The following NYAP2 variants were observed in gnomAD, a reference collection of about 807,000 sequenced individuals.
NYAP2 encodes the protein neuronal tyrosine-phosphorylated phosphoinositide-3-kinase adaptor 2.
Under a neutral mutation model 50.4 loss-of-function variants are expected in NYAP2, and 23 were observed. That is an observed-to-expected ratio of 0.46 (90% CI 0.33 to 0.65). NYAP2 has a LOEUF of 0.65. NYAP2 is among the 30% of genes least tolerant of loss of function. The pLI is 0.02. For missense variants in NYAP2, 885 were observed against 861.0 expected (o/e 1.03, Z -0.35); for synonymous variants, 394 against 365.2 (o/e 1.08, Z -0.90).
intron 3 of NYAP2, among the ~76,000 whole-genome samples, chr2:225,437,155 A>G (rs551884641): frequency 6.6e-6 from 1 of 152,252 alleles, no homozygotes; most frequent in South Asian, 2.1e-4. Context: ...TCTAGTTTCT[A>G]AAACCAAGCA....
intron 3 of NYAP2, among the ~76,000 whole-genome samples, chr2:225,435,185 C>T (rs1360834836): frequency 6.6e-6 from 1 of 152,036 alleles, no homozygotes; most frequent in Non-Finnish European, 1.5e-5. Context: ...GCTATTTGCC[C>T]TCAAAGTTCT....
At chr2:225,446,903 G>C (rs1476126436) in intron 3 of NYAP2, among the ~76,000 whole-genome samples, 1 of 152,038 alleles carries the variant, frequency 6.6e-6, no homozygotes, top group African/African-American at 2.4e-5. Flanking sequence ...AGCTCCCCAT[G>C]TTCTAGTCCC....
intron 3 of NYAP2, among the ~76,000 whole-genome samples, chr2:225,436,934 G>A: frequency 6.6e-6 from 1 of 151,934 alleles, no homozygotes; most frequent in South Asian, 2.1e-4. Flanking sequence ...GCTGGTGGTG[G>A]GGCTGAGGGA....
chr2:225,579,030 G>A (rs945306283), intron 4 of NYAP2, among the ~76,000 whole-genome samples: 7 of 151,826 alleles, frequency 4.6e-5, no homozygotes, highest in Admixed American at 6.6e-5. Context: ...CGGCATGCAC[G>A]TGCACGCACA....
intron 4 of NYAP2, among the ~76,000 whole-genome samples, chr2:225,573,535 C>G (rs1210991028): frequency 3.3e-5 from 5 of 151,986 alleles, no homozygotes; most frequent in Non-Finnish European, 5.9e-5. Flanking sequence ...CAGGTGTGAG[C>G]CACCACGCCT....
chr2:225,414,248 A>G (rs1283738443), intron 3 of NYAP2, among the ~76,000 whole-genome samples: 1 of 152,212 alleles, frequency 6.6e-6, no homozygotes, highest in Admixed American at 6.5e-5. Context: ...AAATAAATAA[A>G]AAGCGATGCT....
chr2:225,688,915 G>A, the NYAP2 span, among the ~76,000 whole-genome samples: 2 of 152,010 alleles, frequency 1.3e-5, no homozygotes, highest in African/African-American at 4.8e-5. Context: ...GCTAATTTTT[G>A]TATTTTTAGC....
intron 5 of NYAP2, among the ~76,000 whole-genome samples, chr2:225,599,092 C>T (rs1692655650): frequency 6.6e-6 from 1 of 152,168 alleles, no homozygotes; most frequent in Non-Finnish European, 1.5e-5. Flanking sequence ...CTTCCTCTCT[C>T]TCTCATTCTT....
At chr2:225,658,039 C>T (rs189650165), downstream of NYAP2, among the ~76,000 whole-genome samples, 2 of 152,258 alleles carry the variant, frequency 1.3e-5, no homozygotes, top group South Asian at 2.1e-4. Flanking sequence ...GAACTGAGAA[C>T]ATGTTTTCCA....
chr2:225,632,554 A>C (rs111877907), intron 6 of NYAP2, among the ~76,000 whole-genome samples: 51 of 152,354 alleles, frequency 3.3e-4, no homozygotes, highest in Non-Finnish European at 1.6e-4. Context: ...GGAGATCTCA[A>C]TTCTAATTAA....
intron 5 of NYAP2, among the ~76,000 whole-genome samples, chr2:225,610,389 C>T (rs76158096): frequency 0.1 from 15,925 of 152,026 alleles, 954 homozygotes; most frequent in South Asian, 0.13. Context: ...CTATGGGTTT[C>T]GAGCCCCACC....
chr2:225,697,192 G>T, the NYAP2 span, among the ~76,000 whole-genome samples: 1 of 152,020 alleles, frequency 6.6e-6, no homozygotes, highest in African/African-American at 2.4e-5. Context: ...GGTAGACATG[G>T]TGCCACATAT....
chr2:225,610,623 A>G (rs1225280765), intron 5 of NYAP2, among the ~76,000 whole-genome samples: 1 of 152,166 alleles, frequency 6.6e-6, no homozygotes, highest in East Asian at 1.9e-4. Flanking sequence ...TCCCAAAACT[A>G]TGGGATAGTA....
chr2:225,647,972 A>ATG (rs1693662102), intron 6 of NYAP2, among the ~76,000 whole-genome samples: 2 of 30,726 alleles, frequency 6.5e-5, no homozygotes, highest in South Asian at 8.7e-4. Context: ...GTGCATACAT[A>ATG]TGTGTGTGTG....
In NYAP2 at chr2:225,625,221, T is replaced by C. The variant is rs145421672; in HGVS notation, c.1619-1696T>C. ...GCTCCATTAACATACTTGCTATCAC[T>C]TGATTTTCCAGTTCCATCAGGAATG... On this transcript the variant is annotated intron_variant, in intron 5 of 6. Coordinates refer to ENST00000636099, the Ensembl canonical transcript of NYAP2. Among the ~76,000 whole-genome samples, 624 of 152,262 alleles carry C rather than the reference T, an allele frequency of 4.1e-3. 9 individuals carry two copies. Among genetic ancestry groups the C allele is most frequent in the African/African-American group, 0.014 (585 of 41,540 alleles).
Position 225,557,223 on chromosome 2 carries a change from AG to A in NYAP2, c.524-24717del, listed in dbSNP as rs1399330866. 1.3e-5 allele frequency among the ~76,000 whole-genome samples: 2 copies of A among 152,144 alleles called. 1 individual carries two copies. Among genetic ancestry groups the A allele is most frequent in the East Asian group, 3.9e-4 (2 of 5,190 alleles). On this transcript the variant is annotated intron_variant, in intron 4 of 6. Coordinates refer to ENST00000636099, the Ensembl canonical transcript of NYAP2. ...TTTACAAAATCTTGCCATTGTTTAA[AG>A]ATTTGTTTACCTTCTGGACATCAAA...
intron 5 of NYAP2, among the ~76,000 whole-genome samples, chr2:225,601,299 T>G (rs1692686534): frequency 6.6e-6 from 1 of 152,050 alleles, no homozygotes; most frequent in Admixed American, 6.6e-5. Flanking sequence ...TTTTGTATTT[T>G]TAGTAGAGAC....
intron 5 of NYAP2, among the ~76,000 whole-genome samples, chr2:225,615,632 T>A (rs977613810): frequency 1.3e-5 from 2 of 152,220 alleles, no homozygotes; most frequent in Non-Finnish European, 2.9e-5. Flanking sequence ...CTGCCTGGTG[T>A]AGGTACTCCC....
the NYAP2 span, among the ~76,000 whole-genome samples, chr2:225,672,403 T>G: frequency 1.3e-5 from 2 of 152,174 alleles, no homozygotes; most frequent in Admixed American, 6.6e-5. Context: ...TTCGTATAAC[T>G]GAAGAGCTAA....
Sources: allele counts gnomAD v4.1 joint callset (sites outside exome capture counted in the v4.1 genomes callset), GRCh38; gene constraint gnomAD v4.1.1; transcripts MANE v1.5; gene names NCBI Gene and HGNC (gene_info 2026-07-23, HGNC 2026-07-21).